Variants in ATP6V1C2 observed in about 807,000 individuals in gnomAD.
ATP6V1C2 encodes ATPase H+ transporting V1 subunit C2.
In ATP6V1C2, 45 loss-of-function variants were observed where a neutral mutation model predicts 56.8. The ratio of observed to expected loss-of-function variants is 0.79; its 90% CI spans 0.62 to 1.02. ATP6V1C2 has a LOEUF of 1.02. Among genes scored for constraint, ATP6V1C2 ranks in the 50% least tolerant of loss-of-function variants. ATP6V1C2 has a pLI of 0.00. For synonymous variants in ATP6V1C2, 220 were observed against 201.3 expected, an observed-to-expected ratio of 1.09 and a Z score of -0.79; for missense variants, 463 against 519.7, an observed-to-expected ratio of 0.89 and a Z score of 1.06.
At chr2:10,771,764 GTGTGGGTGTGTGTGGGGTCAC>G in intron 6 of ATP6V1C2, 54 bp from the exon 7 acceptor site, 2 of 1,136,800 alleles carry the variant, frequency 1.8e-6, no homozygotes, top group Non-Finnish European at 2.7e-6. Flanking sequence ...CAGTGCCCGG[GTGTGGGTGTGTGTGGGGTCAC>G]TGTGTCCCTT....
chr2:10,747,927 C>A (rs958624708), intron 3 of ATP6V1C2, among the ~76,000 whole-genome samples: 2 of 151,984 alleles, frequency 1.3e-5, no homozygotes, highest in Admixed American at 6.6e-5. Context: ...GTGGCACAAT[C>A]TTGGCTCACT....
chr2:10,760,198 C>A lies in ATP6V1C2; in HGVS notation c.284-4133C>A, dbSNP rs866275559. On this transcript the variant is annotated intron_variant, in intron 4 of 13. Transcript: ENST00000272238. ...GACCAGCCTGGCCAACATGGTGAAA[C>A]CTCGCCTCTAAAAATACAAAAAATG... Among the ~76,000 whole-genome samples, 5 of 151,814 alleles carry A rather than the reference C, an allele frequency of 3.3e-5. No individual in the cohort carries two copies. The East Asian group carries it at 7.7e-4, about 23-fold the overall frequency.
chr2:10,726,972 C>A (rs905197716), intron 3 of ATP6V1C2, among the ~76,000 whole-genome samples: 3 of 152,112 alleles, frequency 2.0e-5, no homozygotes, highest in Non-Finnish European at 2.9e-5. Context: ...AGCTACTCCA[C>A]AGGTTAAGTC....
At chr2:10,766,671 C>G (rs1322025766) in intron 5 of ATP6V1C2, among the ~76,000 whole-genome samples, 1 of 152,108 alleles carries the variant, frequency 6.6e-6, no homozygotes, top group East Asian at 1.9e-4. Context: ...GGTTATGATA[C>G]TGCACTATGA....
At chr2:10,777,110 G>A (rs1266492509) in intron 10 of ATP6V1C2, among the ~76,000 whole-genome samples, 3 of 152,260 alleles carry the variant, frequency 2.0e-5, no homozygotes, top group Non-Finnish European at 4.4e-5. Context: ...AGACAGAATG[G>A]GAAAGGGTGA....
rs1195158908 is a variant in ATP6V1C2, at chr2:10,743,658, C to G, written c.198-10323C>G. Reference sequence around the variant, plus strand: ...CAGGAGTTGGAAACTAGCTTAGGCACCATAGGGACGCCCTGTCTGTACAAA... The same window carrying G: ...CAGGAGTTGGAAACTAGCTTAGGCAGCATAGGGACGCCCTGTCTGTACAAA... On this transcript the variant is annotated intron_variant, in intron 3 of 13. Coordinates refer to ENST00000272238, the MANE Select transcript of ATP6V1C2 (RefSeq NM_001039362.2). Among the ~76,000 whole-genome samples, 6 of 151,020 alleles carry G rather than the reference C, an allele frequency of 4.0e-5. No homozygotes were observed. In the East Asian group the frequency reaches 9.9e-4, roughly 25 times the overall value.
rs112437156 is a variant in ATP6V1C2, at chr2:10,729,014, C to T, written c.197+2445C>T. ...GTGCGGTGGCTGGCGCCTGTAATCC[C>T]AGCTACTCGGGAGGCTGAGGCACAA... On this transcript the variant is annotated intron_variant, in intron 3 of 13. Coordinates refer to ENST00000272238, the MANE Select transcript of ATP6V1C2 (RefSeq NM_001039362.2). 3.7e-3 allele frequency among the ~76,000 whole-genome samples: 561 copies of T among 150,746 alleles called. 9 individuals carry two copies. Among genetic ancestry groups the T allele is most frequent in the African/African-American group, 0.012 (506 of 41,116 alleles).
intron 4 of ATP6V1C2, among the ~76,000 whole-genome samples, chr2:10,754,336 C>T (rs1006130216): frequency 3.3e-5 from 5 of 152,142 alleles, no homozygotes; most frequent in African/African-American, 7.2e-5. Flanking sequence ...AGCGATTCTC[C>T]TGTCTCAGCC....
intron 4 of ATP6V1C2, among the ~76,000 whole-genome samples, chr2:10,756,830 C>T (rs935057400): frequency 6.6e-6 from 1 of 152,060 alleles, no homozygotes; most frequent in Non-Finnish European, 1.5e-5. Context: ...TGTAAGTGCC[C>T]TCTGTGATGT....
chr2:10,754,367 A>G (rs1027668791), intron 4 of ATP6V1C2, among the ~76,000 whole-genome samples: 1 of 151,768 alleles, frequency 6.6e-6, no homozygotes, highest in Non-Finnish European at 1.5e-5. Context: ...CTGGGACTAC[A>G]GGCACCCACC....
rs1055566679 is a variant in ATP6V1C2 at position 10,783,435 on chromosome 2, C to T, written c.*172C>T. The T allele has an allele frequency of 4.0e-6, 2 of 503,136 alleles. No homozygotes were observed. Among genetic ancestry groups the T allele is most frequent in the African/African-American group, 3.9e-5 (2 of 50,994 alleles). The allele number at this position is 503,136 out of a possible 1,614,324, so 31.2% of individuals were successfully genotyped here. Reference sequence around the variant, plus strand: ...TTTTTTTAAGTTACAATAAAATGCTCTCAAGTCCTTTGAATGTTCCAACAA... The same window carrying T: ...TTTTTTTAAGTTACAATAAAATGCTTTCAAGTCCTTTGAATGTTCCAACAA... On this transcript the variant is annotated 3_prime_UTR_variant, in exon 14 of 14. Transcript: ENST00000272238.
intron 3 of ATP6V1C2, among the ~76,000 whole-genome samples, chr2:10,741,189 G>A (rs1286902778): frequency 6.6e-6 from 1 of 152,250 alleles, no homozygotes; most frequent in East Asian, 1.9e-4. Context: ...TTTCTGTGAA[G>A]CCAAGTTGGA....
intron 3 of ATP6V1C2, among the ~76,000 whole-genome samples, chr2:10,752,295 T>C (rs1357463458): frequency 6.6e-6 from 1 of 152,196 alleles, no homozygotes; most frequent in African/African-American, 2.4e-5. Flanking sequence ...TTTGCTTTTA[T>C]CAGGGTGTCC....
At chr2:10,776,370 C>T (rs114723017) in intron 10 of ATP6V1C2, among the ~76,000 whole-genome samples, 2,084 of 152,176 alleles carry the variant, frequency 0.014, 53 homozygotes, top group African/African-American at 0.046. Flanking sequence ...TGCTGGGCTC[C>T]GGCTGAGCCT....
intron 3 of ATP6V1C2, among the ~76,000 whole-genome samples, chr2:10,740,905 T>C (rs1027145837): frequency 6.6e-6 from 1 of 152,230 alleles, no homozygotes; most frequent in Non-Finnish European, 1.5e-5. Context: ...CAGGCTGGTC[T>C]CAAACTCCCG....
intron 4 of ATP6V1C2, among the ~76,000 whole-genome samples, chr2:10,758,056 C>T (rs1258073721): frequency 6.6e-6 from 1 of 152,106 alleles, no homozygotes; most frequent in African/African-American, 2.4e-5. Context: ...AATGCCTTCC[C>T]AAATGCAGTT....
At chr2:10,761,012 CAG>C (rs1333769088) in intron 4 of ATP6V1C2, among the ~76,000 whole-genome samples, 2 of 152,200 alleles carry the variant, frequency 1.3e-5, no homozygotes, top group East Asian at 3.8e-4. Context: ...TCTGGGAACA[CAG>C]AGACCAGTGA....
At chr2:10,757,314 G>A (rs377578868) in intron 4 of ATP6V1C2, 1 of 393,738 alleles carries the variant, frequency 2.5e-6, no homozygotes. Flanking sequence ...CGCCCGGCCA[G>A]AGGAGACTTT....
At chr2:10,773,357 T>C (rs113149670) in intron 8 of ATP6V1C2, among the ~76,000 whole-genome samples, 9 of 152,206 alleles carry the variant, frequency 5.9e-5, no homozygotes, top group African/African-American at 1.9e-4. Flanking sequence ...GCTGGAACTT[T>C]GGTTTTGGGT....
Sources: allele counts gnomAD v4.1 joint callset (sites outside exome capture counted in the v4.1 genomes callset), GRCh38; gene constraint gnomAD v4.1.1; transcripts MANE v1.5; gene names NCBI Gene and HGNC (gene_info 2026-07-23, HGNC 2026-07-21).